SLC3A1: variants seen among roughly 807,000 people sequenced by gnomAD.
The protein encoded by SLC3A1 is amino acid transporter heavy chain SLC3A1.
In SLC3A1, 78 loss-of-function variants were observed where a neutral mutation model predicts 60.3. That is an observed-to-expected ratio of 1.29 (90% CI 1.08 to 1.56). The LOEUF (loss-of-function observed/expected upper bound fraction) is 1.56. SLC3A1 is among the 40% of genes most tolerant of loss of function. The pLI is 0.00. For synonymous variants in SLC3A1, 392 were observed against 307.9 expected (o/e 1.27, Z -2.86); for missense variants, 1,172 against 858.9 (o/e 1.36, Z -4.56).
Position 44,286,082 on chromosome 2 carries a change from A to C in SLC3A1, c.816A>C (p.Gln272His). Residue 272 changes from glutamine to histidine, a missense_variant, in exon 4 of 10, where the codon CAA (glutamine) becomes CAC (histidine). By Grantham distance (24) the Gln-to-His change is conservative (BLOSUM62 0). Transcript: ENST00000260649. ...GGCACTTTGACGAAGTGCGAAACCAATGTTATTTTCATCAGTTTATGAAAG... is the reference window on the plus strand; with the variant it reads ...GGCACTTTGACGAAGTGCGAAACCACTGTTATTTTCATCAGTTTATGAAAG... ...SSWHFDEVRN[Q>H]CYFHQFMKEQ... 1.9e-6 allele frequency: 3 copies of C among 1,614,050 alleles called. No homozygotes were observed. The highest frequency in any genetic ancestry group is 2.5e-6 in the Non-Finnish European group (3 of 1,179,932).
In SLC3A1 at chr2:44,321,166, T is replaced by C; in HGVS notation, c.*527T>C. The C allele has an allele frequency of 1.7e-6, 1 of 576,522 alleles. No homozygotes were observed. Among genetic ancestry groups the C allele is most frequent in the Non-Finnish European group, 3.1e-6 (1 of 319,886 alleles). 35.7% of individuals were successfully genotyped at this position (576,522 alleles called of 1,614,324 possible). ...AATTACTTTCCTAGGTTAATGGGCA[T>C]GTGCATCAATGGAGAGAATAGTATA... On this transcript the variant is annotated 3_prime_UTR_variant, in exon 10 of 10. Coordinates refer to ENST00000260649, the MANE Select transcript of SLC3A1 (RefSeq NM_000341.4).
chr2:44,292,955 G>A (rs1424719036), intron 4 of SLC3A1, among the ~76,000 whole-genome samples: 4 of 152,174 alleles, frequency 2.6e-5, no homozygotes, highest in South Asian at 4.2e-4. Context: ...GGCAGGTTTG[G>A]AGGCTTTGGG....
At chr2:44,291,064 T>G (rs968043044) in intron 4 of SLC3A1, among the ~76,000 whole-genome samples, 2 of 152,182 alleles carry the variant, frequency 1.3e-5, no homozygotes, top group Admixed American at 6.6e-5. Flanking sequence ...AAAGTCACCA[T>G]CCTTGGGAGT....
At chr2:44,285,157 T>A (rs1307817888) in intron 3 of SLC3A1, 1 of 152,618 alleles carries the variant, frequency 6.6e-6, no homozygotes. Flanking sequence ...GCCCTGGTTG[T>A]GTCCAGGTGG....
intron 3 of SLC3A1, 69 bp from the exon 4 acceptor site, chr2:44,285,963 G>T: frequency 6.4e-7 from 1 of 1,569,468 alleles, no homozygotes; most frequent in Non-Finnish European, 8.8e-7. Flanking sequence ...GGATCAGGGA[G>T]GGCAATGATC....
At chr2:44,287,292 G>C (rs1671640351) in intron 4 of SLC3A1, among the ~76,000 whole-genome samples, 1 of 152,090 alleles carries the variant, frequency 6.6e-6, no homozygotes, top group Non-Finnish European at 1.5e-5. Context: ...ACCTTCTTAT[G>C]ATGAGATGCT....
At chr2:44,299,664 T>G (rs1671953212) in intron 4 of SLC3A1, among the ~76,000 whole-genome samples, 1 of 152,220 alleles carries the variant, frequency 6.6e-6, no homozygotes, top group African/African-American at 2.4e-5. Flanking sequence ...TTCTTATGGT[T>G]TCATTCTTTC....
chr2:44,288,121 A>G (rs1205420354), intron 4 of SLC3A1, among the ~76,000 whole-genome samples: 2 of 150,954 alleles, frequency 1.3e-5, no homozygotes, highest in African/African-American at 2.4e-5. Context: ...TGTGCCTCCC[A>G]GGTTCAAGCG....
chr2:44,280,373 G>T (rs1671467533), intron 1 of SLC3A1, among the ~76,000 whole-genome samples: 1 of 152,034 alleles, frequency 6.6e-6, no homozygotes, highest in African/African-American at 2.4e-5. Context: ...CAGGTAGCTG[G>T]GATCATAGGC....
chr2:44,303,329 C>T (rs907970095), intron 6 of SLC3A1, among the ~76,000 whole-genome samples: 1 of 148,376 alleles, frequency 6.7e-6, no homozygotes, highest in Non-Finnish European at 1.5e-5. Flanking sequence ...CTGCAACCTT[C>T]ACCTCCCAAA....
intron 6 of SLC3A1, chr2:44,303,790 C>G (rs141669689): frequency 0.019 from 8,157 of 424,166 alleles, 114 homozygotes; most frequent in Middle Eastern, 0.049. Context: ...TCCATGTGTT[C>G]TCGTTATTCA....
chr2:44,294,023 G>A (rs1671795022), intron 4 of SLC3A1, among the ~76,000 whole-genome samples: 1 of 152,156 alleles, frequency 6.6e-6, no homozygotes, highest in South Asian at 2.1e-4. Context: ...AAATACTATT[G>A]TGAAGTGCAA....
At chr2:44,306,829 T>C (rs1005539975) in intron 7 of SLC3A1, among the ~76,000 whole-genome samples, 1 of 152,104 alleles carries the variant, frequency 6.6e-6, no homozygotes, top group Non-Finnish European at 1.5e-5. Context: ...AGTGCTGGGA[T>C]TACAGGTGTG....
At chr2:44,303,588 T>A (rs1397610330) in intron 6 of SLC3A1, among the ~76,000 whole-genome samples, 2 of 152,022 alleles carry the variant, frequency 1.3e-5, no homozygotes, top group Non-Finnish European at 2.9e-5. Flanking sequence ...TGCCTTATTT[T>A]TTATTATTAT....
intron 7 of SLC3A1, among the ~76,000 whole-genome samples, chr2:44,308,048 G>A (rs1344890577): frequency 6.6e-6 from 1 of 152,172 alleles, no homozygotes; most frequent in African/African-American, 2.4e-5. Context: ...GCTGAGGTGG[G>A]AGTTGAGCCC....
intron 4 of SLC3A1, among the ~76,000 whole-genome samples, 167 bp from the exon 5 acceptor site, chr2:44,299,804 G>T (rs1220854285): frequency 6.6e-6 from 1 of 152,194 alleles, no homozygotes; most frequent in Non-Finnish European, 1.5e-5. Flanking sequence ...GTGCATTTTA[G>T]TAAGACAGTT....
chr2:44,296,256 T>C (rs1279108372), intron 4 of SLC3A1, among the ~76,000 whole-genome samples: 3 of 152,192 alleles, frequency 2.0e-5, no homozygotes, highest in African/African-American at 2.4e-5. Context: ...CTCCTTTGTC[T>C]CAGCTGTGAT....
At chr2:44,314,781 A>C (rs1672385768) in intron 9 of SLC3A1, 1 of 23,596 alleles carries the variant, frequency 4.2e-5, no homozygotes. Context: ...GACACAAAAT[A>C]TATATGGGTT....
chr2:44,293,340 A>C (rs1175452936), intron 4 of SLC3A1, among the ~76,000 whole-genome samples: 1 of 152,012 alleles, frequency 6.6e-6, no homozygotes, highest in Non-Finnish European at 1.5e-5. Flanking sequence ...AACATGGTGA[A>C]ACCCCATCTC....
Sources: allele counts gnomAD v4.1 joint callset (sites outside exome capture counted in the v4.1 genomes callset), GRCh38; gene constraint gnomAD v4.1.1; transcripts MANE v1.5; gene names NCBI Gene and HGNC (gene_info 2026-07-23, HGNC 2026-07-21).